Variants in PTCHD4 observed in about 807,000 individuals in gnomAD.
The protein encoded by PTCHD4 is patched domain-containing protein 4.
Under a neutral mutation model 58.1 loss-of-function variants are expected in PTCHD4, and 33 were observed. The ratio of observed to expected loss-of-function variants is 0.57; its 90% CI spans 0.43 to 0.76. The LOEUF is 0.76. Ranked by LOEUF, PTCHD4 falls within the 30% of genes least tolerant of loss-of-function variation. The pLI is 0.00. For missense variants in PTCHD4, 1,058 were observed against 1,027.1 expected (o/e 1.03, Z -0.41); for synonymous variants, 478 against 409.6 (o/e 1.17, Z -2.02).
Position 47,858,944 on chromosome 6 carries a change from T to C in PTCHD4, c.*19359A>G, listed in dbSNP as rs959687687. On this transcript the variant is annotated 3_prime_UTR_variant, in exon 5 of 5. Coordinates refer to ENST00000339488, the MANE Select transcript of PTCHD4 (RefSeq NM_001384253.1). ...CCAGTTAATGATCTTACAGAACCTA[T>C]GATTTAATTACAAGCATCTGTTTTT... Among the ~76,000 whole-genome samples, 2 of 152,074 alleles carry C rather than the reference T, an allele frequency of 1.3e-5. No homozygotes were observed. The highest frequency in any genetic ancestry group is 4.8e-5 in the African/African-American group (2 of 41,446).
intron 4 of PTCHD4, chr6:47,901,834 G>A (rs1444553655): frequency 2.0e-5 from 26 of 1,294,964 alleles, no homozygotes; most frequent in Non-Finnish European, 2.5e-5. Context: ...TCTTCCAAAT[G>A]TGATATTTTT....
chr6:47,895,105 A>G lies in PTCHD4; in HGVS notation c.899-15169T>C, dbSNP rs1178919900. 2.6e-5 allele frequency among the ~76,000 whole-genome samples: 4 copies of G among 152,076 alleles called. No individual in the cohort carries two copies. In the South Asian group the frequency reaches 6.2e-4, roughly 24 times the overall value. Reference sequence around the variant, plus strand: ...AGCTGAGATTGTGCCACTCCACTCCAGCCTCGGCGACAGAGTGAGATTCTG... The same window carrying G: ...AGCTGAGATTGTGCCACTCCACTCCGGCCTCGGCGACAGAGTGAGATTCTG... On this transcript the variant is annotated intron_variant, in intron 4 of 4. Transcript: ENST00000339488.
intron 1 of PTCHD4, among the ~76,000 whole-genome samples, chr6:48,088,432 T>G (rs1488570077): frequency 2.6e-5 from 4 of 152,152 alleles, no homozygotes; most frequent in Non-Finnish European, 5.9e-5. Flanking sequence ...TGGGCTCCGT[T>G]TAATGACTGT....
In PTCHD4 at chr6:47,873,203, GC is replaced by G. The variant is rs1019286142; in HGVS notation, c.*5099del. ...CCCAGTCTTCAAGTGCAATGTATTT[GC>G]CTATGATCAAGTTTGCTAGCAGTTG... On this transcript the variant is annotated 3_prime_UTR_variant, in exon 5 of 5. Transcript: ENST00000339488. Among the ~76,000 whole-genome samples the G allele has an allele frequency of 6.6e-6, 1 of 151,728 alleles. No individual in the cohort carries two copies. Among genetic ancestry groups the G allele is most frequent in the African/African-American group, 2.4e-5 (1 of 41,396 alleles).
At chr6:47,880,579 G>A (rs1763991524) in intron 4 of PTCHD4, among the ~76,000 whole-genome samples, 1 of 151,868 alleles carries the variant, frequency 6.6e-6, no homozygotes, top group South Asian at 2.1e-4. Context: ...AAGACCTTCG[G>A]GGTGAAAAAT....
rs550310549 is a variant in PTCHD4, at chr6:48,106,114, A to T, written c.-970+4935T>A. Among the ~76,000 whole-genome samples the T allele has an allele frequency of 1.3e-4, 20 of 152,354 alleles. No individual in the cohort carries two copies. In the South Asian group the frequency reaches 3.9e-3, roughly 30 times the overall value. On this transcript the variant is annotated intron_variant, in intron 1 of 4. Coordinates refer to ENST00000339488, the MANE Select transcript of PTCHD4 (RefSeq NM_001384253.1). ...TAACTCATTTTATGAGGCCAGCATC[A>T]TCCTGATACCAAAGCCGGGCAGAGA...
At chr6:48,105,960 A>G (rs1228649569) in intron 1 of PTCHD4, among the ~76,000 whole-genome samples, 1 of 152,096 alleles carries the variant, frequency 6.6e-6, no homozygotes, top group East Asian at 1.9e-4. Context: ...AATAATTAAG[A>G]GCTTACCAAC....
intron 4 of PTCHD4, among the ~76,000 whole-genome samples, chr6:47,949,646 GTCTC>G (rs1172781665): frequency 6.6e-6 from 1 of 152,014 alleles, no homozygotes; most frequent in African/African-American, 2.4e-5. Context: ...CTTTGCAACT[GTCTC>G]TCTCTCTTTT....
At chr6:48,038,952 A>C (rs1181657197) in intron 3 of PTCHD4, among the ~76,000 whole-genome samples, 1 of 152,186 alleles carries the variant, frequency 6.6e-6, no homozygotes, top group Non-Finnish European at 1.5e-5. Context: ...GTAGGTGTGA[A>C]TATAAATTGG....
At chr6:48,027,681 A>C (rs1240920334) in intron 3 of PTCHD4, among the ~76,000 whole-genome samples, 1 of 152,184 alleles carries the variant, frequency 6.6e-6, no homozygotes, top group Non-Finnish European at 1.5e-5. Context: ...TTGCATAGAT[A>C]AGATAAATAT....
At chr6:47,931,856 C>T (rs562174542) in intron 4 of PTCHD4, among the ~76,000 whole-genome samples, 1 of 152,038 alleles carries the variant, frequency 6.6e-6, no homozygotes, top group South Asian at 2.1e-4. Flanking sequence ...TCCCAAAGTT[C>T]CTGTAGGGGA....
intron 4 of PTCHD4, among the ~76,000 whole-genome samples, chr6:47,902,858 T>A (rs7757727): frequency 0.065 from 9,870 of 152,306 alleles, 382 homozygotes; most frequent in Middle Eastern, 0.099. Flanking sequence ...ATTCGTATAA[T>A]AGTTTCCATT....
In PTCHD4 at chr6:48,068,703, C is replaced by G. The variant is rs1327542950; in HGVS notation, c.6-62G>C. 5.5e-6 allele frequency: 8 copies of G among 1,455,804 alleles called. No individual in the cohort carries two copies. Among genetic ancestry groups the G allele is most frequent in the East Asian group, 2.5e-5 (1 of 40,202 alleles). 90.2% of individuals were successfully genotyped at this position (1,455,804 alleles called of 1,614,324 possible). ...TACCCCGTTCTCCCCCATCCCACCC[C>G]CTGGGGCCAGTCCCCCCTCCCCACC... On this transcript the variant is annotated intron_variant, in intron 2 of 4. Transcript: ENST00000339488. The surrounding 1 kb of genome is among the most constrained non-coding windows in gnomAD (Gnocchi z 4.2).
chr6:47,958,921 AC>A (rs779524521), intron 4 of PTCHD4, among the ~76,000 whole-genome samples: 34 of 152,198 alleles, frequency 2.2e-4, no homozygotes, highest in Non-Finnish European at 7.3e-5. Flanking sequence ...ATTTCACTTA[AC>A]AAAACTTTAA....
intron 3 of PTCHD4, among the ~76,000 whole-genome samples, chr6:48,025,227 G>C (rs1395063882): frequency 6.6e-6 from 1 of 152,140 alleles, no homozygotes; most frequent in Non-Finnish European, 1.5e-5. Context: ...CTTCCCCGTG[G>C]ATGGTAGATA....
chr6:47,928,257 G>T (rs1488116900), intron 4 of PTCHD4, among the ~76,000 whole-genome samples: 1 of 152,178 alleles, frequency 6.6e-6, no homozygotes, highest in African/African-American at 2.4e-5. Flanking sequence ...CCTTATCTAA[G>T]ATGAGTGAAA....
At chr6:48,005,244 G>A (rs575641107) in intron 4 of PTCHD4, among the ~76,000 whole-genome samples, 1 of 152,306 alleles carries the variant, frequency 6.6e-6, no homozygotes, top group South Asian at 2.1e-4. Flanking sequence ...AGTTCAGTGT[G>A]AGGAACAAAC....
chr6:47,897,920 C>G (rs1446954157), intron 4 of PTCHD4, among the ~76,000 whole-genome samples: 1 of 148,842 alleles, frequency 6.7e-6, no homozygotes, highest in Non-Finnish European at 1.5e-5. Flanking sequence ...ATCATTTCAT[C>G]CTTTCTTTTT....
chr6:47,883,375 A>C (rs2114106676), intron 4 of PTCHD4, among the ~76,000 whole-genome samples: 1 of 152,304 alleles, frequency 6.6e-6, no homozygotes. Context: ...CAAGAGCATG[A>C]ATAAAGAAGA....
Sources: allele counts gnomAD v4.1 joint callset (sites outside exome capture counted in the v4.1 genomes callset), GRCh38; gene constraint gnomAD v4.1.1; non-coding constraint Gnocchi (gnomAD v3.1); transcripts MANE v1.5; gene names NCBI Gene and HGNC (gene_info 2026-07-23, HGNC 2026-07-21).